The following WDR72 variants were observed in gnomAD, a reference collection of about 807,000 sequenced individuals.
WDR72 encodes the protein WD repeat domain 72.
Under a neutral mutation model 124.2 loss-of-function variants are expected in WDR72, and 120 were observed. That is an observed-to-expected ratio of 0.97 (90% CI 0.83 to 1.12). The LOEUF is 1.12. Among genes scored for constraint, WDR72 ranks in the 50% most tolerant of loss-of-function variants. WDR72 has a pLI of 0.00. For synonymous variants in WDR72, 452 were observed against 441.7 expected (o/e 1.02, Z -0.29); for missense variants, 1,387 against 1,278.8 (o/e 1.08, Z -1.29).
intron 14 of WDR72, among the ~76,000 whole-genome samples, chr15:53,624,833 C>T (rs1021949133): frequency 7.9e-5 from 12 of 152,116 alleles, no homozygotes; most frequent in African/African-American, 2.9e-4. Context: ...GTCTTATTAA[C>T]AAAGGGCCTT....
intron 18 of WDR72, among the ~76,000 whole-genome samples, chr15:53,570,035 TC>T (rs1894452459): frequency 6.6e-6 from 1 of 152,080 alleles, no homozygotes; most frequent in Non-Finnish European, 1.5e-5. Context: ...TTATCCTTCA[TC>T]TTTTTATAAT....
intron 1 of WDR72, among the ~76,000 whole-genome samples, chr15:53,741,972 C>T (rs548322472): frequency 6.6e-6 from 1 of 152,292 alleles, no homozygotes; most frequent in Admixed American, 6.5e-5. Flanking sequence ...AAGTGATCTG[C>T]CAGCCTTGGC....
chr15:53,704,833 C>A (rs888997672), intron 11 of WDR72, among the ~76,000 whole-genome samples, 155 bp downstream of exon 11: 3 of 115,348 alleles, frequency 2.6e-5, no homozygotes, highest in East Asian at 2.4e-4. Flanking sequence ...AAAAAAAAAA[C>A]CTATATGTAT....
rs139007735 is a variant in WDR72, at chr15:53,727,471, GACTA to G, written c.154-4567_154-4564del. Among the ~76,000 whole-genome samples the G allele has an allele frequency of 3.8e-3, 584 of 152,178 alleles. 4 individuals are homozygous for G. The highest frequency in any genetic ancestry group is 0.013 in the African/African-American group (558 of 41,536). ...TTCCTTCTTAAAAGAGCTGTTGTCA[GACTA>G]ACTTTTTAGTGCTACAAGAAGTGTT... On this transcript the variant is annotated intron_variant, in intron 2 of 19. Transcript: ENST00000360509.
intron 17 of WDR72, among the ~76,000 whole-genome samples, chr15:53,607,344 A>G (rs1184390380): frequency 6.6e-6 from 1 of 152,200 alleles, no homozygotes; most frequent in African/African-American, 2.4e-5. Flanking sequence ...CCAATGGAAG[A>G]GAACAGAGAA....
intron 18 of WDR72, among the ~76,000 whole-genome samples, chr15:53,574,511 G>A (rs903743691): frequency 1.3e-5 from 2 of 152,056 alleles, no homozygotes; most frequent in Non-Finnish European, 2.9e-5. Context: ...GATAAAATGT[G>A]GAGAAATATG....
At chr15:53,652,698 A>C (rs2015284136) in intron 14 of WDR72, among the ~76,000 whole-genome samples, 1 of 152,144 alleles carries the variant, frequency 6.6e-6, no homozygotes, top group African/African-American at 2.4e-5. Flanking sequence ...TATTTTAGAC[A>C]ACTTTGTTAT....
intron 18 of WDR72, among the ~76,000 whole-genome samples, chr15:53,561,535 C>T (rs1894124718): frequency 6.6e-6 from 1 of 151,712 alleles, no homozygotes; most frequent in African/African-American, 2.4e-5. Flanking sequence ...ATTAATTTCT[C>T]CCTAGAAACT....
rs1275900565 is a variant in WDR72 at position 53,594,790 on chromosome 15, AC to A, written c.3148+2288del. 1.7e-4 allele frequency among the ~76,000 whole-genome samples: 16 copies of A among 94,338 alleles called. No individual in the cohort carries two copies. In the Admixed American group the frequency reaches 1.7e-3, roughly 10 times the overall value. The allele number at this position is 94,338 out of a possible 152,430, so 61.9% of individuals were successfully genotyped here. A position where few individuals can be genotyped will look rare whatever the true frequency, so the allele number is the denominator to read the frequency against. ...CTAGTCGACAGAGCCTGCACCCCCCACCCCCCCAAAAAAAATCCTATCAAGT... is the reference window on the plus strand; with the variant it reads ...CTAGTCGACAGAGCCTGCACCCCCCACCCCCCAAAAAAAATCCTATCAAGT... On this transcript the variant is annotated intron_variant, in intron 18 of 19. Coordinates refer to ENST00000360509, the MANE Select transcript of WDR72 (RefSeq NM_182758.4).
At chr15:53,677,551 C>T (rs1171954311) in intron 13 of WDR72, among the ~76,000 whole-genome samples, 1 of 152,148 alleles carries the variant, frequency 6.6e-6, no homozygotes, top group Non-Finnish European at 1.5e-5. Context: ...GGGGTCAGGT[C>T]TTTCCTGTGC....
At chr15:53,657,263 C>CAAAA (rs10549551) in intron 14 of WDR72, among the ~76,000 whole-genome samples, 92 of 56,400 alleles carry the variant, frequency 1.6e-3, no homozygotes, top group East Asian at 2.2e-3. Flanking sequence ...GACTCCATCT[C>CAAAA]AAAAAAAAAA....
At position 53,651,080 on chromosome 15, in the gene WDR72, C is replaced by T. The variant is rs190403818; in HGVS notation, c.1962+14492G>A. Reference sequence around the variant, plus strand: ...CGTCCCTCACTTTTCAATATTGACTCTTAATGCTCCCTCCCCCATACTCCT... The same window carrying T: ...CGTCCCTCACTTTTCAATATTGACTTTTAATGCTCCCTCCCCCATACTCCT... On this transcript the variant is annotated intron_variant, in intron 14 of 19. Transcript: ENST00000360509. 2.8e-4 allele frequency among the ~76,000 whole-genome samples: 42 copies of T among 152,204 alleles called. 1 individual carries two copies. The highest frequency in any genetic ancestry group is 9.9e-4 in the African/African-American group (41 of 41,550).
upstream of WDR72, among the ~76,000 whole-genome samples, chr15:53,761,903 C>G (rs537149343): frequency 1.3e-5 from 2 of 152,112 alleles, no homozygotes; most frequent in Admixed American, 1.3e-4. Flanking sequence ...TTAAAAGTAT[C>G]AAGAGTGGGT....
At chr15:53,676,722 T>G (rs2140471237) in intron 13 of WDR72, among the ~76,000 whole-genome samples, 1 of 152,292 alleles carries the variant, frequency 6.6e-6, no homozygotes, top group African/African-American at 2.4e-5. Flanking sequence ...GAGAACCTGG[T>G]TGAGTTTGCC....
intron 13 of WDR72, among the ~76,000 whole-genome samples, chr15:53,676,863 C>G (rs1319473555): frequency 6.6e-6 from 1 of 151,030 alleles, no homozygotes; most frequent in African/African-American, 2.4e-5. Context: ...TTACTCAGAA[C>G]AACATATTTA....
At chr15:53,630,328 G>A (rs2014375973) in intron 14 of WDR72, among the ~76,000 whole-genome samples, 1 of 152,106 alleles carries the variant, frequency 6.6e-6, no homozygotes, top group Non-Finnish European at 1.5e-5. Flanking sequence ...CAAAAAAATA[G>A]AAGTGGTGCG....
chr15:53,751,325 C>T (rs371241598), intron 1 of WDR72, among the ~76,000 whole-genome samples: 11 of 152,128 alleles, frequency 7.2e-5, no homozygotes, highest in African/African-American at 1.7e-4. Context: ...TTGCCAGAAC[C>T]ACCCCCAAAC....
At chr15:53,660,215 GTTC>G (rs200977681) in intron 14 of WDR72, among the ~76,000 whole-genome samples, 211 of 147,978 alleles carry the variant, frequency 1.4e-3, no homozygotes, top group African/African-American at 5.5e-3. Context: ...ATAAATATTT[GTTC>G]TTTTTTTATA....
rs548903999 is a variant in WDR72 at position 53,543,585 on chromosome 15, C to G, written c.3149-20263G>C. Among the ~76,000 whole-genome samples, 139 of 150,610 alleles carry G rather than the reference C, an allele frequency of 9.2e-4. 4 individuals are homozygous for G. In the South Asian group the frequency reaches 0.029, roughly 31 times the overall value. On this transcript the variant is annotated intron_variant, in intron 18 of 19. Transcript: ENST00000360509. ...CACCCTAACATCACAATTAAAAGAACTAGAAAAGCAAGAGCAAACACATTC... is the reference window on the plus strand; with the variant it reads ...CACCCTAACATCACAATTAAAAGAAGTAGAAAAGCAAGAGCAAACACATTC...
Sources: gnomAD v4.1 joint callset for allele counts (sites outside exome capture counted in the v4.1 genomes callset) on GRCh38, gnomAD v4.1.1 for gene constraint, MANE v1.5 for transcripts, NCBI Gene and HGNC (gene_info 2026-07-23, HGNC 2026-07-21) for gene names.